The following LRRK1 variants were observed in gnomAD, a reference collection of about 807,000 sequenced individuals.
LRRK1 encodes leucine-rich repeat serine/threonine-protein kinase 1.
A neutral mutation model predicts 209.1 loss-of-function variants in LRRK1; 113 were observed. That is an observed-to-expected ratio of 0.54 (90% confidence interval 0.46 to 0.63). The LOEUF (loss-of-function observed/expected upper bound fraction) is 0.63. Ranked by LOEUF, LRRK1 falls within the 30% of genes least tolerant of loss-of-function variation. The probability of loss-of-function intolerance (pLI) is 0.00; values close to 1 mark genes in which losing one functional copy is unlikely to be tolerated. For synonymous variants in LRRK1, 1,144 were observed against 1,099.7 expected (o/e 1.04, Z -0.80); for missense variants, 2,284 against 2,632.2 (o/e 0.87, Z 2.89).
At chr15:100,937,767 C>T (rs1201662224) in intron 2 of LRRK1, among the ~76,000 whole-genome samples, 1 of 151,978 alleles carries the variant, frequency 6.6e-6, no homozygotes, top group Non-Finnish European at 1.5e-5. Flanking sequence ...GATCTCCTGA[C>T]CTCGTGATCC....
At chr15:100,952,744 C>T (rs994056086) in intron 2 of LRRK1, among the ~76,000 whole-genome samples, 1 of 152,228 alleles carries the variant, frequency 6.6e-6, no homozygotes, top group Non-Finnish European at 1.5e-5. Context: ...CGTTTTATCA[C>T]AGTAATCATT....
rs568716873 is a variant in LRRK1 at position 101,022,324 on chromosome 15, C to T, written c.1853-59C>T. The T allele has an allele frequency of 3.8e-4, 565 of 1,502,596 alleles. 1 individual carries two copies. The highest frequency in any genetic ancestry group is 5.1e-4 in the Non-Finnish European group (548 of 1,081,966). 93.1% of individuals were successfully genotyped at this position (1,502,596 alleles called of 1,614,324 possible). ...GTTCCTTCACAACAGGATTTTGTGT[C>T]CTAAGAGATGTGAGCATGTGCCCAC... is the stretch of plus-strand genomic sequence containing the variant. On this transcript the variant is annotated intron_variant, in intron 14 of 33. Coordinates refer to ENST00000388948, the MANE Select transcript of LRRK1 (RefSeq NM_024652.6). This position sits in a 1 kb window ranked among gnomAD's most constrained non-coding sequence, Gnocchi z 4.0.
chr15:101,048,718 C>G (rs34698485), intron 22 of LRRK1, 61 bp downstream of exon 22: 419,151 of 1,383,298 alleles, frequency 0.3, 65,537 homozygotes, highest in East Asian at 0.37. Context: ...CACCGCGGGG[C>G]CACGTCAGCA....
chr15:101,067,078 C>A (rs1002253361), intron 33 of LRRK1, among the ~76,000 whole-genome samples: 6 of 152,198 alleles, frequency 3.9e-5, no homozygotes, highest in African/African-American at 1.4e-4. Flanking sequence ...GTTCTTCCTG[C>A]CAAGCAGGAA....
At chr15:101,019,832 A>G (rs558001053) in intron 12 of LRRK1, among the ~76,000 whole-genome samples, 14 of 152,324 alleles carry the variant, frequency 9.2e-5, no homozygotes, top group African/African-American at 3.1e-4. Context: ...AAGGCACTTC[A>G]GAGATTCTGC....
chr15:101,014,813 C>T (rs148639164), intron 11 of LRRK1, among the ~76,000 whole-genome samples: 179 of 152,330 alleles, frequency 1.2e-3, no homozygotes, highest in Non-Finnish European at 1.0e-3. Context: ...TTTCCAAATA[C>T]AGTCACATTC....
chr15:101,034,158 G>T (rs775504493), intron 20 of LRRK1, among the ~76,000 whole-genome samples: 2 of 152,114 alleles, frequency 1.3e-5, no homozygotes, highest in African/African-American at 4.8e-5. Flanking sequence ...GTGGATATTA[G>T]TTCCTTGTTG....
intron 2 of LRRK1, among the ~76,000 whole-genome samples, chr15:100,941,302 A>G (rs146711140): frequency 0.021 from 320 of 15,122 alleles, 1 homozygote; most frequent in Non-Finnish European, 0.024. Flanking sequence ...GTGTGTGTCT[A>G]TGTGTGTGTG....
rs2036930343 is a variant in LRRK1 at position 101,074,967 on chromosome 15, T to C, written c.*6119T>C. 6.8e-6 allele frequency: 1 copy of C among 147,214 alleles called. No individual in the cohort carries two copies. The highest frequency in any genetic ancestry group is 2.6e-5 in the African/African-American group (1 of 38,038). The allele number at this position is 147,214 out of a possible 1,614,324, so 9.1% of individuals were successfully genotyped here. A position where few individuals can be genotyped will look rare whatever the true frequency, so the allele number is the denominator to read the frequency against. On this transcript the variant is annotated 3_prime_UTR_variant, in exon 34 of 34. Coordinates refer to ENST00000388948, the MANE Select transcript of LRRK1 (RefSeq NM_024652.6). ...CCCCTGGAACTCCGGCCCAAGGCTC[T>C]CTGACTGACTCCTTCCCAGATCTTC...
At chr15:100,921,082 C>T (rs2042013465) in intron 1 of LRRK1, among the ~76,000 whole-genome samples, 1 of 152,202 alleles carries the variant, frequency 6.6e-6, no homozygotes, top group African/African-American at 2.4e-5. Context: ...TTCTGTACTC[C>T]TTCTTTATCT....
chr15:100,974,799 A>C (rs1056333692), intron 3 of LRRK1, among the ~76,000 whole-genome samples: 1 of 152,236 alleles, frequency 6.6e-6, no homozygotes, highest in African/African-American at 2.4e-5. Flanking sequence ...GTTTTCCAAA[A>C]ATCTTCTACA....
At chr15:101,031,154 G>A (rs953681158) in intron 20 of LRRK1, among the ~76,000 whole-genome samples, 4 of 152,146 alleles carry the variant, frequency 2.6e-5, no homozygotes, top group East Asian at 3.8e-4. Context: ...TGCCCGGATC[G>A]CTAGTGTTCA....
rs772390753 is a variant in LRRK1, at chr15:101,070,581, C to G, written c.*1733C>G. ...TGCTTTGCAGGCACCAAAATTCACC[C>G]TCTCCTACTCCTGGAAAAGCCCAGC... is the stretch of plus-strand genomic sequence containing the variant. On this transcript the variant is annotated 3_prime_UTR_variant, in exon 34 of 34. Coordinates refer to ENST00000388948, the MANE Select transcript of LRRK1 (RefSeq NM_024652.6). 1 of 152,110 alleles carries G rather than the reference C, an allele frequency of 6.6e-6. No individual in the cohort carries two copies. Among genetic ancestry groups the G allele is most frequent in the Admixed American group, 6.5e-5 (1 of 15,268 alleles). 9.4% of individuals were successfully genotyped at this position (152,110 alleles called of 1,614,324 possible).
At chr15:100,944,047 A>G (rs2042493444) in intron 2 of LRRK1, among the ~76,000 whole-genome samples, 1 of 152,138 alleles carries the variant, frequency 6.6e-6, no homozygotes, top group Non-Finnish European at 1.5e-5. Context: ...GGTCAGAGAA[A>G]AATCATGAAG....
At chr15:101,064,656 GAGGGCTC>G (rs1372692475) in intron 31 of LRRK1, 2 of 153,018 alleles carry the variant, frequency 1.3e-5, no homozygotes, top group Non-Finnish European at 2.9e-5. Flanking sequence ...AAGCTGGGAT[GAGGGCTC>G]AGCAGGCTGA....
At chr15:100,960,580 C>T (rs574357186) in intron 2 of LRRK1, among the ~76,000 whole-genome samples, 41 of 152,200 alleles carry the variant, frequency 2.7e-4, no homozygotes, top group African/African-American at 9.9e-4. Flanking sequence ...TGTTGGCTCT[C>T]CCAAGTCCCT....
chr15:100,931,212 G>T (rs1455661663), intron 2 of LRRK1, among the ~76,000 whole-genome samples: 1 of 152,208 alleles, frequency 6.6e-6, no homozygotes, highest in Non-Finnish European at 1.5e-5. Context: ...TTTGAGGATT[G>T]CAGTTCCTTT....
intron 2 of LRRK1, among the ~76,000 whole-genome samples, chr15:100,969,691 T>TTGGACTAGTA (rs2030731006): frequency 6.6e-6 from 1 of 152,144 alleles, no homozygotes; most frequent in South Asian, 2.1e-4. Context: ...TGTTCCCCTC[T>TTGGACTAGTA]TGTTTCCATG....
At chr15:100,970,461 A>C (rs969159895) in intron 2 of LRRK1, among the ~76,000 whole-genome samples, 5 of 152,208 alleles carry the variant, frequency 3.3e-5, no homozygotes, top group Admixed American at 1.3e-4. Flanking sequence ...GTACAAGCAC[A>C]GGTCTATTTT....
Sources: allele counts gnomAD v4.1 joint callset (sites outside exome capture counted in the v4.1 genomes callset), GRCh38; gene constraint gnomAD v4.1.1; non-coding constraint Gnocchi (gnomAD v3.1); transcripts MANE v1.5; gene names NCBI Gene and HGNC (gene_info 2026-07-23, HGNC 2026-07-21).